The following DACH2 variants were observed in gnomAD, a reference collection of about 807,000 sequenced individuals.
DACH2 encodes the protein dachshund family transcription factor 2, also known as dachshund homolog 2.
In DACH2, 17 loss-of-function variants were observed where a neutral mutation model predicts 35.8. That is an observed-to-expected ratio of 0.48 (90% confidence interval 0.33 to 0.71). The LOEUF (loss-of-function observed/expected upper bound fraction) is 0.71, where lower values mean the gene tolerates loss of function less well. Ranked by LOEUF, DACH2 falls within the 30% of genes least tolerant of loss-of-function variation. DACH2 has a pLI of 0.02. For missense variants in DACH2, 469 were observed against 472.7 expected (o/e 0.99, Z 0.07); for synonymous variants, 195 against 177.3 (o/e 1.10, Z -0.79).
chrX:86,797,000 T>TAACAATATA (rs1569483294), intron 7 of DACH2, among the ~76,000 whole-genome samples: 1 of 111,670 alleles, frequency 9.0e-6, no homozygotes, highest in Non-Finnish European at 1.9e-5. Context: ...AGAACAACTA[T>TAACAATATA]AACAATATAC....
At chrX:86,827,668 A>C (rs897726635) in intron 11 of DACH2, 1 of 693,489 alleles carries the variant, frequency 1.4e-6, no homozygotes, top group Admixed American at 2.6e-5. Flanking sequence ...AATACTATAA[A>C]GTGAGTTTGT....
At chrX:86,215,033 T>C (rs1386772769) in intron 1 of DACH2, among the ~76,000 whole-genome samples, 1 of 111,714 alleles carries the variant, frequency 9.0e-6, no homozygotes, top group Non-Finnish European at 1.9e-5. Context: ...CTCTCCCCTT[T>C]GTCTGTCTTA....
intron 2 of DACH2, among the ~76,000 whole-genome samples, chrX:86,405,174 C>T (rs2036506557): frequency 9.0e-6 from 1 of 111,510 alleles, no homozygotes; most frequent in Non-Finnish European, 1.9e-5. Context: ...GATATTTTCC[C>T]CATTGTCTTG....
At position 86,808,813 on chromosome X, in the gene DACH2, A is replaced by T. The variant is rs185039001; in HGVS notation, c.1241-4043A>T. ...GCTGTGTTGTTTATATTCCTGTATC[A>T]CAATCCTTAAAGCCCAGAGGAGACA... On this transcript the variant is annotated intron_variant, in intron 7 of 11. Transcript: ENST00000373125. 2.7e-5 allele frequency among the ~76,000 whole-genome samples: 3 copies of T among 111,534 alleles called. No homozygotes were observed. In the East Asian group the frequency reaches 8.4e-4, roughly 31 times the overall value.
chrX:86,397,763 C>A (rs1310948018), intron 2 of DACH2, among the ~76,000 whole-genome samples: 2 of 111,655 alleles, frequency 1.8e-5, no homozygotes, highest in Non-Finnish European at 3.8e-5. Flanking sequence ...GGTGAATAAG[C>A]TTTTTGATGT....
Position 86,434,420 on chromosome X carries a change from C to T in DACH2, c.527+57558C>T, listed in dbSNP as rs745480162. On this transcript the variant is annotated intron_variant, in intron 2 of 11. Transcript: ENST00000373125. Reference sequence around the variant, plus strand: ...TCACTTATGACATGTTGATTGATTGCTATATATTTTCTCAATCTATCTCAG... The same window carrying T: ...TCACTTATGACATGTTGATTGATTGTTATATATTTTCTCAATCTATCTCAG... 4.5e-5 allele frequency among the ~76,000 whole-genome samples: 5 copies of T among 111,812 alleles called. No individual in the cohort carries two copies. In the South Asian group the frequency reaches 1.8e-3, roughly 41 times the overall value.
intron 7 of DACH2, among the ~76,000 whole-genome samples, chrX:86,770,690 A>G (rs1228724881): frequency 1.8e-5 from 2 of 111,827 alleles, no homozygotes; most frequent in Non-Finnish European, 3.8e-5. Context: ...CTTTGGGCAA[A>G]TTTTATCTAT....
chrX:86,236,292 C>T (rs953288643), intron 1 of DACH2, among the ~76,000 whole-genome samples: 1 of 112,159 alleles, frequency 8.9e-6, no homozygotes, highest in Non-Finnish European at 1.9e-5. Flanking sequence ...TTTGTATCCT[C>T]AAACAGCAAC....
intron 11 of DACH2, among the ~76,000 whole-genome samples, chrX:86,825,627 CTGACATAG>C (rs899675654): frequency 9.0e-6 from 1 of 111,326 alleles, no homozygotes; most frequent in African/African-American, 3.3e-5. Context: ...GGAGTGGCTC[CTGACATAG>C]TGTTCCATAC....
intron 7 of DACH2, among the ~76,000 whole-genome samples, chrX:86,807,966 C>T (rs1411002851): frequency 1.8e-5 from 2 of 111,843 alleles, no homozygotes; most frequent in Non-Finnish European, 3.8e-5. Flanking sequence ...CACCTAATAT[C>T]ACGTGGAAGT....
At chrX:86,239,367 T>C (rs2033120893) in intron 1 of DACH2, among the ~76,000 whole-genome samples, 1 of 111,605 alleles carries the variant, frequency 9.0e-6, no homozygotes, top group Non-Finnish European at 1.9e-5. Flanking sequence ...TTTTAGATAC[T>C]ACCACCTGCC....
chrX:86,435,897 G>T (rs370975913), intron 2 of DACH2, among the ~76,000 whole-genome samples: 15 of 111,552 alleles, frequency 1.3e-4, no homozygotes, highest in East Asian at 8.4e-4. Flanking sequence ...TTTAACAAGG[G>T]ATTAGTGATC....
chrX:86,347,052 T>A (rs2035508618), intron 1 of DACH2, among the ~76,000 whole-genome samples: 1 of 111,798 alleles, frequency 8.9e-6, no homozygotes, highest in African/African-American at 3.2e-5. Flanking sequence ...TTATGAAAAA[T>A]TAATAGAAAA....
chrX:86,502,079 C>A (rs772614196), intron 2 of DACH2, among the ~76,000 whole-genome samples: 1 of 98,016 alleles, frequency 1.0e-5, no homozygotes, highest in Non-Finnish European at 1.9e-5. Flanking sequence ...TCCTTTGAAC[C>A]AAGAACTATG....
chrX:86,293,723 C>G (rs1440547991), intron 1 of DACH2, among the ~76,000 whole-genome samples: 1 of 111,199 alleles, frequency 9.0e-6, no homozygotes, highest in Admixed American at 9.6e-5. Flanking sequence ...CTTGAAAATT[C>G]TTTTCTTTAA....
At chrX:86,264,656 C>G (rs2033680657) in intron 1 of DACH2, among the ~76,000 whole-genome samples, 1 of 111,558 alleles carries the variant, frequency 9.0e-6, no homozygotes, top group Non-Finnish European at 1.9e-5. Flanking sequence ...TGTTGTCTTA[C>G]AATTGAACCA....
At chrX:86,778,825 G>A (rs1018252398) in intron 7 of DACH2, among the ~76,000 whole-genome samples, 2 of 111,178 alleles carry the variant, frequency 1.8e-5, no homozygotes, top group Non-Finnish European at 3.8e-5. Context: ...TGGCCAGGCT[G>A]GTCTTGAACT....
At chrX:86,705,083 A>T (rs969624172) in intron 5 of DACH2, among the ~76,000 whole-genome samples, 6 of 38,078 alleles carry the variant, frequency 1.6e-4, no homozygotes, top group African/African-American at 1.0e-3. Context: ...TATATATGTG[A>T]GATATATATA....
intron 3 of DACH2, among the ~76,000 whole-genome samples, chrX:86,518,615 C>T (rs2038507421): frequency 1.8e-5 from 2 of 111,763 alleles, no homozygotes; most frequent in South Asian, 7.5e-4. Flanking sequence ...TTTCACCTCC[C>T]TGGTTAGCTC....
Sources: gnomAD v4.1 joint callset for allele counts (sites outside exome capture counted in the v4.1 genomes callset) on GRCh38, gnomAD v4.1.1 for gene constraint, MANE v1.5 for transcripts, NCBI Gene and HGNC (gene_info 2026-07-23, HGNC 2026-07-21) for gene names.